The following ZZEF1 variants were observed in gnomAD, a reference collection of about 807,000 sequenced individuals.
The protein encoded by ZZEF1 is zinc finger ZZ-type and EF-hand domain containing 1, also known as zinc finger ZZ-type and EF-hand domain-containing protein 1.
ZZEF1 carries 157 observed loss-of-function variants against 342.8 expected under a neutral mutation model. That is an observed-to-expected ratio of 0.46 (90% confidence interval 0.40 to 0.52). The LOEUF is 0.52. ZZEF1 is among the 20% of genes least tolerant of loss of function. The pLI is 0.00. For missense variants in ZZEF1, 3,480 were observed against 3,725.6 expected, an observed-to-expected ratio of 0.93 and a Z score of 1.72; for synonymous variants, 1,505 against 1,429.1, an observed-to-expected ratio of 1.05 and a Z score of -1.20.
At position 4,076,717 on chromosome 17, in the gene ZZEF1, A is replaced by G. The variant is rs767363933; in HGVS notation, c.3154T>C (p.Cys1052Arg). 6.8e-6 allele frequency: 11 copies of G among 1,612,978 alleles called. No homozygotes were observed. The highest frequency in any genetic ancestry group is 1.1e-5 in the South Asian group (1 of 91,086). The change falls in exon 21 of 55, where the codon TGC becomes CGC. Residue 1052 changes from cysteine to arginine, a missense_variant. By Grantham distance (180) the Cys-to-Arg change is radical. Coordinates refer to ENST00000381638, the MANE Select transcript of ZZEF1 (RefSeq NM_015113.4). ...LDFCTLDIPH[C>R]VLLREFSVLT... ...ACGCTGAACTCTCTCAAGAGCACGC[A>G]GTGTGGGATGTCTAAAGTGCAGAAG...
chr17:4,109,616 A>G lies in ZZEF1; in HGVS notation c.1277+37T>C, dbSNP rs372976529. On this transcript the variant is annotated intron_variant, in intron 6 of 54. Transcript: ENST00000381638. ...TAAAGGATGATGGGAGAATGAGGGC[A>G]TGTTGAGGGGGCTGGAACATAGAGA... 18 of 1,601,778 alleles carry G rather than the reference A, an allele frequency of 1.1e-5. No individual in the cohort carries two copies. The African/African-American group carries it at 2.4e-4, about 21-fold the overall frequency.
At chr17:4,104,321 C>T (rs903813941) in intron 8 of ZZEF1, among the ~76,000 whole-genome samples, 1 of 152,164 alleles carries the variant, frequency 6.6e-6, no homozygotes, top group Admixed American at 6.6e-5. Context: ...AGTACTTCAC[C>T]AAAGATGGCT....
At chr17:4,100,554 T>C (rs1434088872) in intron 9 of ZZEF1, among the ~76,000 whole-genome samples, 1 of 152,126 alleles carries the variant, frequency 6.6e-6, no homozygotes, top group Non-Finnish European at 1.5e-5. Context: ...GCAAAATCTA[T>C]TACCAGGAGA....
At position 4,096,773 on chromosome 17, in the gene ZZEF1, C is replaced by T. The variant is rs562549708; in HGVS notation, c.1673-73G>A. On this transcript the variant is annotated intron_variant, in intron 9 of 54. Transcript: ENST00000381638. ...CCCTAAGAACTAAGATCAACAAAAA[C>T]AAACCATATCCTTTGAGTCATGGGG... 2.5e-6 allele frequency: 3 copies of T among 1,200,622 alleles called. No homozygotes were observed. In the Admixed American group the frequency reaches 5.2e-5, roughly 21 times the overall value. The allele number at this position is 1,200,622 out of a possible 1,614,324, so 74.4% of individuals were successfully genotyped here.
chr17:4,140,520 C>G (rs946409070), intron 1 of ZZEF1, among the ~76,000 whole-genome samples: 2 of 152,210 alleles, frequency 1.3e-5, no homozygotes, highest in Non-Finnish European at 2.9e-5. Context: ...CAACTACATA[C>G]TCTTTAAGAG....
intron 37 of ZZEF1, among the ~76,000 whole-genome samples, 156 bp from the exon 38 acceptor site, chr17:4,044,530 G>T (rs955128100): frequency 1.3e-5 from 2 of 151,788 alleles, no homozygotes; most frequent in African/African-American, 4.8e-5. Context: ...TTTTTTGTGT[G>T]TTTTTTTGAG....
chr17:4,033,746 C>T, intron 40 of ZZEF1: 3 of 490,620 alleles, frequency 6.1e-6, no homozygotes, highest in Non-Finnish European at 1.1e-5. Context: ...CCCACACTTA[C>T]CGCTCATTAA....
In ZZEF1 at chr17:4,013,556, C is replaced by T; in HGVS notation, c.8472G>A (p.Leu2824=). 6.2e-7 allele frequency: 1 copy of T among 1,614,078 alleles called. No homozygotes were observed. The highest frequency in any genetic ancestry group is 8.5e-7 in the Non-Finnish European group (1 of 1,179,984). The change falls in exon 52 of 55, where the codon TTG becomes TTA. Residue 2824 remains leucine (L), a synonymous_variant. Transcript: ENST00000381638. ...CCACCAGCCATTCCCAAATTTTTGC[C>T]AATGGGAGATGAGGCACGACCCTTT... ...SEERVVPHLP[L]AKIWEWLVGV...
At chr17:4,072,974 C>A (rs1437381875) in intron 24 of ZZEF1, 1 of 405,898 alleles carries the variant, frequency 2.5e-6, no homozygotes, top group Non-Finnish European at 4.3e-6. Context: ...TGTGGAACAA[C>A]TTCAGTTACA....
Position 4,014,090 on chromosome 17 carries a change from C to G in ZZEF1, c.8413G>C (p.Gly2805Arg). The G allele has an allele frequency of 6.2e-7, 1 of 1,614,054 alleles. No individual in the cohort carries two copies. Among genetic ancestry groups the G allele is most frequent in the Non-Finnish European group, 8.5e-7 (1 of 1,179,998 alleles). ...TGAACGCAAAGCCCAGAGCACACAC[C>G]TGTCTGGAACCGCCCCAGGTGTCCG... ...TAGHLGRFQT[G>R]FEILKQMLSE... is the part of the protein sequence containing the mutation. Residue 2805 changes from glycine to arginine, a missense_variant and splice_region_variant, in exon 51 of 55, where the codon GGA becomes CGA. Physicochemically the swap from Gly to Arg is moderately radical, Grantham distance 125. Around this residue, in one of 5 missense-constraint regions of ZZEF1, gnomAD observed 1,269 missense variants for 1,342.4 expected, o/e 0.95. Coordinates refer to ENST00000381638, the MANE Select transcript of ZZEF1 (RefSeq NM_015113.4). This position sits in a 1 kb window ranked among gnomAD's most constrained non-coding sequence, Gnocchi z 4.4.
rs202191830 is a variant in ZZEF1, at chr17:4,021,325, A to G, written c.7213-5T>C. The G allele has an allele frequency of 6.3e-6, 10 of 1,591,450 alleles. No homozygotes were observed. Among genetic ancestry groups the G allele is most frequent in the Middle Eastern group, 1.7e-4 (1 of 5,978 alleles). ...GTACAGCATGATGGACAAAATCTAC[A>G]CAGAAAGAAAATCCAGCTGAATGTG... is the stretch of plus-strand genomic sequence containing the variant. On this transcript the variant is annotated splice_region_variant and splice_polypyrimidine_tract_variant and intron_variant, in intron 44 of 54. Transcript: ENST00000381638.
rs774329243 is a variant in ZZEF1, at chr17:4,117,105, C to T, written c.561G>A (p.Leu187=). 1 of 1,614,150 alleles carries T rather than the reference C, an allele frequency of 6.2e-7. No individual in the cohort carries two copies. Among genetic ancestry groups the T allele is most frequent in the South Asian group, 1.1e-5 (1 of 91,086 alleles). ...AGAGCCGATTGCGGTGCAGGAAGCG[C>T]AGTATCATTGACGAGTGAATATCAA... ...EGLDIHSSMI[L]RFLHRNRLSS... Residue 187 remains leucine (L), a synonymous_variant, in exon 3 of 55, where the codon CTG becomes CTA. Transcript: ENST00000381638.
intron 39 of ZZEF1, among the ~76,000 whole-genome samples, chr17:4,037,111 C>T (rs2056690040): frequency 1.3e-5 from 2 of 152,100 alleles, no homozygotes; most frequent in Non-Finnish European, 2.9e-5. Flanking sequence ...GATTATAGCT[C>T]ATGGAGTAAA....
intron 14 of ZZEF1, 152 bp downstream of exon 14, chr17:4,087,282 G>A (rs1343060987): frequency 3.4e-6 from 2 of 585,510 alleles, no homozygotes; most frequent in Non-Finnish European, 5.9e-6. Flanking sequence ...GAAATCTGAG[G>A]TGTTATTTTC....
At chr17:4,035,390 T>C (rs1368435010) in intron 39 of ZZEF1, among the ~76,000 whole-genome samples, 1 of 152,166 alleles carries the variant, frequency 6.6e-6, no homozygotes, top group African/African-American at 2.4e-5. Context: ...CATGGCAGCC[T>C]GGGAGGGGTG....
intron 40 of ZZEF1, 192 bp downstream of exon 40, chr17:4,033,823 C>T (rs530397904): frequency 7.2e-5 from 49 of 680,622 alleles, no homozygotes; most frequent in South Asian, 6.3e-4. Flanking sequence ...GCTGTTTTAA[C>T]GTTGGTGTTA....
chr17:4,096,568 A>G (rs1362594441), intron 10 of ZZEF1, 41 bp downstream of exon 10: 1 of 1,576,722 alleles, frequency 6.3e-7, no homozygotes, highest in Non-Finnish European at 8.7e-7. Flanking sequence ...ATTGAAAACA[A>G]AAGTAGTAAC....
chr17:4,033,801 C>CT (rs2056601640), intron 40 of ZZEF1: 4 of 608,212 alleles, frequency 6.6e-6, no homozygotes, highest in Non-Finnish European at 1.1e-5. Context: ...CAGCCAGTGT[C>CT]GAGACTGCTC....
chr17:4,098,572 T>A (rs1446581805), intron 9 of ZZEF1, among the ~76,000 whole-genome samples: 1 of 152,252 alleles, frequency 6.6e-6, no homozygotes, highest in East Asian at 1.9e-4. Context: ...CAAGGTTGCC[T>A]TTCTCTTTCA....
Sources: allele counts gnomAD v4.1 joint callset (sites outside exome capture counted in the v4.1 genomes callset), GRCh38; gene constraint gnomAD v4.1.1; regional missense constraint gnomAD v4.1.1; non-coding constraint Gnocchi (gnomAD v3.1); transcripts MANE v1.5; gene names NCBI Gene and HGNC (gene_info 2026-07-23, HGNC 2026-07-21).